Variants in DIP2A observed in about 807,000 individuals in gnomAD.
DIP2A encodes the protein DIP2 acetate--CoA ligase A, also known as disco-interacting protein 2 homolog A.
DIP2A carries 85 observed loss-of-function variants against 177.4 expected under a neutral mutation model. The ratio of observed to expected loss-of-function variants is 0.48; its 90% confidence interval spans 0.40 to 0.57. DIP2A has a LOEUF of 0.57. Among genes scored for constraint, DIP2A ranks in the 20% least tolerant of loss-of-function variants. DIP2A has a pLI of 0.00. For missense variants in DIP2A, 1,791 were observed against 2,100.2 expected (o/e 0.85, Z 2.88); for synonymous variants, 886 against 881.8 (o/e 1.00, Z -0.08).
intron 36 of DIP2A, 88 bp downstream of exon 36, chr21:46,565,975 A>T: frequency 6.8e-7 from 1 of 1,464,840 alleles, no homozygotes; most frequent in Non-Finnish European, 9.4e-7. Flanking sequence ...AGCACACCTC[A>T]CTCCTTGCTG....
chr21:46,543,738 G>A (rs2839317), intron 18 of DIP2A, among the ~76,000 whole-genome samples: 63,136 of 152,000 alleles, frequency 0.42, 13,263 homozygotes, highest in Admixed American at 0.43. Context: ...GTGGCTTTTC[G>A]TGACCTTGCC....
At position 46,484,836 on chromosome 21, in the gene DIP2A, C is replaced by G; in HGVS notation, c.163+8C>G. On this transcript the variant is annotated splice_region_variant and intron_variant, in intron 2 of 37. Transcript: ENST00000417564. The stretch of plus-strand genomic sequence containing the variant: ...ATATACCGCTTATTCAAGGTAAGGT[C>G]AATACACTCAGGTGTTACATAGCAA... 1.3e-6 allele frequency: 2 copies of G among 1,567,056 alleles called. No homozygotes were observed. Among genetic ancestry groups the G allele is most frequent in the Non-Finnish European group, 1.7e-6 (2 of 1,157,946 alleles).
At chr21:46,499,101 C>T (rs1030957222) in intron 5 of DIP2A, among the ~76,000 whole-genome samples, 1 of 152,172 alleles carries the variant, frequency 6.6e-6, no homozygotes, top group African/African-American at 2.4e-5. Context: ...CAGATTAAAT[C>T]CCTAATAACC....
intron 1 of DIP2A, among the ~76,000 whole-genome samples, chr21:46,461,881 G>A (rs2054344423): frequency 6.8e-6 from 1 of 147,424 alleles, no homozygotes. Context: ...GCAACATAGG[G>A]AGACCCTGCC....
intron 7 of DIP2A, 96 bp downstream of exon 7, chr21:46,509,472 G>T: frequency 1.4e-6 from 2 of 1,415,576 alleles, no homozygotes; most frequent in East Asian, 2.4e-5. Context: ...CATGGATATT[G>T]CTATATATAT....
intron 3 of DIP2A, among the ~76,000 whole-genome samples, chr21:46,491,539 AT>A (rs1230574074): frequency 1.3e-5 from 2 of 152,258 alleles, no homozygotes; most frequent in Admixed American, 6.5e-5. Context: ...CTCTGATTGT[AT>A]AAATAATATA....
chr21:46,479,044 T>G (rs2056143633), intron 1 of DIP2A, among the ~76,000 whole-genome samples: 1 of 152,244 alleles, frequency 6.6e-6, no homozygotes, highest in South Asian at 2.1e-4. Context: ...TGAAACTGGC[T>G]CCAGTCCTTA....
chr21:46,563,744 G>GACATA lies in DIP2A; in HGVS notation c.4090-113_4090-112insCATAA. On this transcript the variant is annotated intron_variant, in intron 34 of 37. Transcript: ENST00000417564. This position sits in a 1 kb window ranked among gnomAD's most constrained non-coding sequence, Gnocchi z 4.3. ...GCCTCTAAACTTCCTGACCTGACAT[G>GACATA]AGCACATCAGTCCTGCAGGCCAGCT... The GACATA allele has an allele frequency of 6.8e-7, 1 of 1,471,768 alleles. No individual in the cohort carries two copies. The highest frequency in any genetic ancestry group is 9.0e-7 in the Non-Finnish European group (1 of 1,105,480). 91.2% of individuals were successfully genotyped at this position (1,471,768 alleles called of 1,614,324 possible). A position where few individuals can be genotyped will look rare whatever the true frequency, so the allele number is the denominator to read the frequency against.
rs2060481794 is a variant in DIP2A, at chr21:46,556,697, GA to G, written c.3499-235del. On this transcript the variant is annotated intron_variant, in intron 29 of 37. Coordinates refer to ENST00000417564, the MANE Select transcript of DIP2A (RefSeq NM_015151.4). This position sits in a 1 kb window ranked among gnomAD's most constrained non-coding sequence, Gnocchi z 4.5. The stretch of plus-strand genomic sequence containing the variant: ...GACTCTGCCTCAAAAAAAAAAAAAA[GA>G]AAAAAATTTTAAAAATTCATTACCC... 4 of 436,724 alleles carry G rather than the reference GA, an allele frequency of 9.2e-6. No homozygotes were observed. In the East Asian group the frequency reaches 1.6e-4, roughly 17 times the overall value. 27.1% of individuals were successfully genotyped at this position (436,724 alleles called of 1,614,324 possible).
intron 2 of DIP2A, among the ~76,000 whole-genome samples, chr21:46,485,300 G>A (rs1449065227): frequency 6.6e-6 from 1 of 151,946 alleles, no homozygotes; most frequent in Non-Finnish European, 1.5e-5. Flanking sequence ...AAGTATAAAA[G>A]GTCAAGAGAC....
chr21:46,546,975 C>A lies in DIP2A; in HGVS notation c.2455C>A (p.His819Asn), dbSNP rs1264196272. The A allele has an allele frequency of 6.2e-7, 1 of 1,613,996 alleles. No homozygotes were observed. The highest frequency in any genetic ancestry group is 8.5e-7 in the Non-Finnish European group (1 of 1,179,892). The change falls in exon 21 of 38, where the codon CAC becomes AAC. Residue 819 changes from histidine to asparagine, a missense_variant. His to Asn is a moderately conservative substitution (Grantham distance 68). Transcript: ENST00000417564. Reference protein sequence around the residue: ...DGLMVTGVRRHNADDVVATAL... With the variant: ...DGLMVTGVRRNNADDVVATAL... The stretch of plus-strand genomic sequence containing the variant: ...GCTGATGGTCACTGGAGTTCGCAGA[C>A]ACAATGCAGATGACGTTGTGGCCAC...
chr21:46,528,936 A>T (rs1164585092), intron 8 of DIP2A, among the ~76,000 whole-genome samples, 156 bp from the exon 9 acceptor site: 1 of 152,208 alleles, frequency 6.6e-6, no homozygotes, highest in Non-Finnish European at 1.5e-5. Flanking sequence ...AATGATGTTC[A>T]TTACAACATT....
intron 8 of DIP2A, chr21:46,525,497 C>T (rs1238325503): frequency 6.6e-6 from 1 of 152,176 alleles, no homozygotes; most frequent in African/African-American, 2.4e-5. Flanking sequence ...TTTTATTTCA[C>T]TGATTTATTT....
At chr21:46,508,435 T>C (rs1322282047) in intron 6 of DIP2A, among the ~76,000 whole-genome samples, 1 of 144,412 alleles carries the variant, frequency 6.9e-6, no homozygotes, top group East Asian at 2.1e-4. Flanking sequence ...CTCGGCTCAC[T>C]GCAAGCTCCG....
At chr21:46,541,214 A>C in intron 17 of DIP2A, among the ~76,000 whole-genome samples, 1 of 152,172 alleles carries the variant, frequency 6.6e-6, no homozygotes, top group East Asian at 1.9e-4. Flanking sequence ...CACAAACAAC[A>C]ACAGTCATTT....
intron 1 of DIP2A, among the ~76,000 whole-genome samples, chr21:46,477,543 T>TGTGTGTGTGTGTG (rs2055964791): frequency 1.6e-4 from 14 of 87,130 alleles, no homozygotes; most frequent in East Asian, 6.9e-4. Context: ...AAAAAAAGAT[T>TGTGTGTGTGTGTG]TGTGTGTGTG....
At chr21:46,572,068 A>G (rs146047840), downstream of DIP2A, among the ~76,000 whole-genome samples, 140 of 152,296 alleles carry the variant, frequency 9.2e-4, 3 homozygotes, top group South Asian at 0.022. Flanking sequence ...ATTTTGAGAT[A>G]TGGTCCACCA....
intron 37 of DIP2A, 139 bp from the exon 38 acceptor site, chr21:46,567,231 T>G: frequency 7.8e-7 from 1 of 1,289,298 alleles, no homozygotes; most frequent in African/African-American, 1.5e-5. Context: ...TGGCCTGATC[T>G]TTAGATTGTA....
intron 3 of DIP2A, among the ~76,000 whole-genome samples, chr21:46,494,900 C>T (rs907998718): frequency 1.3e-5 from 2 of 152,126 alleles, no homozygotes; most frequent in Non-Finnish European, 2.9e-5. Context: ...CTGGGCATTT[C>T]TCCCCTGCTC....
Sources: allele counts gnomAD v4.1 joint callset (sites outside exome capture counted in the v4.1 genomes callset), GRCh38; gene constraint gnomAD v4.1.1; non-coding constraint Gnocchi (gnomAD v3.1); transcripts MANE v1.5; gene names NCBI Gene and HGNC (gene_info 2026-07-23, HGNC 2026-07-21).